Variants in ADAMTSL3 observed in about 807,000 individuals in gnomAD.
ADAMTSL3 encodes ADAMTS like 3, also known as ADAMTS-like protein 3.
ADAMTSL3 carries 128 observed loss-of-function variants against 201.7 expected under a neutral mutation model. The ratio of observed to expected loss-of-function variants is 0.63; its 90% CI spans 0.55 to 0.73. The LOEUF is 0.73. Ranked by LOEUF, ADAMTSL3 falls within the 30% of genes least tolerant of loss-of-function variation. The pLI is 0.00. For missense variants in ADAMTSL3, 1,990 were observed against 2,119.6 expected (o/e 0.94, Z 1.20); for synonymous variants, 738 against 748.4 (o/e 0.99, Z 0.23).
In ADAMTSL3 at chr15:83,874,888, C is replaced by G. The variant is rs1256925788; in HGVS notation, c.960+3929C>G. ...GTCCAGGTGTCACATGTGAACAAGA[C>G]GATGTGATCTCCGGAAGCCCGGTAG... On this transcript the variant is annotated intron_variant, in intron 9 of 29. Transcript: ENST00000286744. Among the ~76,000 whole-genome samples the G allele has an allele frequency of 2.1e-5, 3 of 145,750 alleles. 1 individual carries two copies. Among genetic ancestry groups the G allele is most frequent in the East Asian group, 4.5e-4 (2 of 4,412 alleles).
At chr15:83,729,445 A>AT (rs71156095) in intron 3 of ADAMTSL3, among the ~76,000 whole-genome samples, 3 of 150,520 alleles carry the variant, frequency 2.0e-5, no homozygotes, top group Middle Eastern at 3.2e-3. Flanking sequence ...GTTATTTTTT[A>AT]TTTTTTTTCT....
intron 15 of ADAMTSL3, among the ~76,000 whole-genome samples, chr15:83,910,166 T>A (rs2065905975): frequency 6.6e-6 from 1 of 152,192 alleles, no homozygotes; most frequent in East Asian, 1.9e-4. Context: ...CCATTTTCCC[T>A]TTTACTCTGT....
Position 83,654,558 on chromosome 15 carries a change from C to T in ADAMTSL3, c.-34+282C>T, listed in dbSNP as rs1186177158. On this transcript the variant is annotated intron_variant, in intron 1 of 29. Coordinates refer to ENST00000286744, the MANE Select transcript of ADAMTSL3 (RefSeq NM_207517.3). This position sits in a 1 kb window ranked among gnomAD's most constrained non-coding sequence, Gnocchi z 5.3. ...GGCGTTCTTGATTATGGGGGAACTC[C>T]ACAGGGTTGGAGTTTTTCAGGATTG... 6.6e-6 allele frequency among the ~76,000 whole-genome samples: 1 copy of T among 152,088 alleles called. No homozygotes were observed.
intron 9 of ADAMTSL3, among the ~76,000 whole-genome samples, chr15:83,875,871 T>A (rs141199024): frequency 6.6e-6 from 1 of 152,130 alleles, no homozygotes; most frequent in Non-Finnish European, 1.5e-5. Context: ...AAGAACAAAA[T>A]TGAGTGTCTG....
intron 3 of ADAMTSL3, among the ~76,000 whole-genome samples, chr15:83,714,184 A>G (rs1465934200): frequency 6.6e-6 from 1 of 152,112 alleles, no homozygotes; most frequent in South Asian, 2.1e-4. Flanking sequence ...GACAGTCCCA[A>G]TTTCCACCCT....
At chr15:84,006,752 T>G (rs925752476) in intron 23 of ADAMTSL3, among the ~76,000 whole-genome samples, 26 of 152,242 alleles carry the variant, frequency 1.7e-4, no homozygotes, top group Non-Finnish European at 1.5e-5. Context: ...TGAAACACCA[T>G]AAAGAGCAGT....
intron 2 of ADAMTSL3, among the ~76,000 whole-genome samples, chr15:83,661,003 T>C (rs1331012740): frequency 6.8e-6 from 1 of 147,350 alleles, no homozygotes; most frequent in Non-Finnish European, 1.5e-5. Context: ...TACATATGGC[T>C]AGCCAGTTTT....
At chr15:83,769,595 C>A in intron 3 of ADAMTSL3, among the ~76,000 whole-genome samples, 1 of 152,146 alleles carries the variant, frequency 6.6e-6, no homozygotes, top group Non-Finnish European at 1.5e-5. Flanking sequence ...TTGACTGTTA[C>A]TGAAATATTG....
intron 9 of ADAMTSL3, among the ~76,000 whole-genome samples, chr15:83,880,062 TA>T (rs2065242627): frequency 6.6e-6 from 1 of 152,262 alleles, no homozygotes; most frequent in South Asian, 2.1e-4. Flanking sequence ...CATCTGCTTT[TA>T]AGTGTGTTCC....
chr15:83,910,202 C>G (rs1303890561), intron 15 of ADAMTSL3, among the ~76,000 whole-genome samples: 3 of 152,060 alleles, frequency 2.0e-5, no homozygotes. Flanking sequence ...TCTCGAAACT[C>G]TCACATCAGT....
In ADAMTSL3 at chr15:83,824,509, A is replaced by T. The variant is rs538308613; in HGVS notation, c.600+4462A>T. ...TAATCACCCAAAGTTCATAGTTTACATTAGGCCTCACTCTTGGTGTTGTAA... is the reference window on the plus strand; with the variant it reads ...TAATCACCCAAAGTTCATAGTTTACTTTAGGCCTCACTCTTGGTGTTGTAA... On this transcript the variant is annotated intron_variant, in intron 6 of 29. Coordinates refer to ENST00000286744, the MANE Select transcript of ADAMTSL3 (RefSeq NM_207517.3). Among the ~76,000 whole-genome samples the T allele has an allele frequency of 2.6e-5, 4 of 152,324 alleles. No individual in the cohort carries two copies. The South Asian group carries it at 6.2e-4, about 24-fold the overall frequency.
At chr15:84,006,116 A>G (rs1269500645) in intron 23 of ADAMTSL3, among the ~76,000 whole-genome samples, 1 of 152,206 alleles carries the variant, frequency 6.6e-6, no homozygotes, top group East Asian at 1.9e-4. Flanking sequence ...GAGTGCATTC[A>G]TTATTCTAGT....
At chr15:83,820,849 T>TGGATCACTTGA (rs1250085905) in intron 6 of ADAMTSL3, among the ~76,000 whole-genome samples, 1 of 152,040 alleles carries the variant, frequency 6.6e-6, no homozygotes, top group Non-Finnish European at 1.5e-5. Context: ...CCGAGGTGGG[T>TGGATCACTTGA]GGATCACTTG....
chr15:83,708,564 A>C (rs781143525), intron 3 of ADAMTSL3, among the ~76,000 whole-genome samples: 1 of 152,230 alleles, frequency 6.6e-6, no homozygotes, highest in Non-Finnish European at 1.5e-5. Flanking sequence ...GGTTTAGTGC[A>C]AACAGGACTA....
At chr15:83,706,739 A>C (rs995756832) in intron 3 of ADAMTSL3, among the ~76,000 whole-genome samples, 11 of 149,450 alleles carry the variant, frequency 7.4e-5, no homozygotes, top group African/African-American at 2.0e-4. Flanking sequence ...CTCCCCACCC[A>C]CACTTAGGTG....
chr15:83,713,194 G>A (rs2061955656), intron 3 of ADAMTSL3, among the ~76,000 whole-genome samples: 1 of 152,138 alleles, frequency 6.6e-6, no homozygotes, highest in African/African-American at 2.4e-5. Flanking sequence ...GGCCTTCTGA[G>A]CTCTGCTAAA....
chr15:83,757,487 A>AG (rs2141692162), intron 3 of ADAMTSL3, among the ~76,000 whole-genome samples: 2 of 152,272 alleles, frequency 1.3e-5, no homozygotes, highest in African/African-American at 4.8e-5. Flanking sequence ...TGCACACAGC[A>AG]GGGGGGCCCT....
intron 17 of ADAMTSL3, among the ~76,000 whole-genome samples, chr15:83,927,609 A>G (rs1005699337): frequency 2.0e-5 from 3 of 152,350 alleles, no homozygotes; most frequent in African/African-American, 4.8e-5. Context: ...TAATAAATAT[A>G]TAATGAATAA....
chr15:83,716,523 A>C (rs2062021480), intron 3 of ADAMTSL3, among the ~76,000 whole-genome samples: 3 of 151,938 alleles, frequency 2.0e-5, no homozygotes, highest in South Asian at 2.1e-4. Flanking sequence ...CTCAAAAAAA[A>C]AAAAAAAGGA....
Sources: allele counts gnomAD v4.1 joint callset (sites outside exome capture counted in the v4.1 genomes callset), GRCh38; gene constraint gnomAD v4.1.1; non-coding constraint Gnocchi (gnomAD v3.1); transcripts MANE v1.5; gene names NCBI Gene and HGNC (gene_info 2026-07-23, HGNC 2026-07-21).